The following THADA variants were observed in gnomAD, a reference collection of about 807,000 sequenced individuals.
THADA encodes THADA armadillo repeat containing, also known as tRNA (32-2'-O)-methyltransferase regulator THADA.
A neutral mutation model predicts 219.8 loss-of-function variants in THADA; 213 were observed. The observed-to-expected ratio is 0.97, with a 90% CI of 0.87 to 1.09. The LOEUF (loss-of-function observed/expected upper bound fraction) is 1.09. THADA is among the 50% of genes least tolerant of loss of function. The pLI, the probability that THADA is intolerant of heterozygous loss-of-function variation, is 0.00. For missense variants in THADA, 2,956 were observed against 2,311.3 expected (o/e 1.28, Z -5.72); for synonymous variants, 1,018 against 828.9 (o/e 1.23, Z -3.92).
At chr2:43,572,101 G>A (rs951996209) in intron 12 of THADA, among the ~76,000 whole-genome samples, 11 of 152,026 alleles carry the variant, frequency 7.2e-5, no homozygotes, top group African/African-American at 1.2e-4. Context: ...TTTTTATTCC[G>A]TGGTAATGCT....
At chr2:43,255,671 A>G (rs1047407960) in intron 36 of THADA, among the ~76,000 whole-genome samples, 3 of 152,124 alleles carry the variant, frequency 2.0e-5, no homozygotes, top group African/African-American at 7.2e-5. Context: ...GAGTCGGGGA[A>G]TGCTGTGGCC....
intron 26 of THADA, among the ~76,000 whole-genome samples, chr2:43,458,524 C>A (rs1683275408): frequency 1.3e-5 from 2 of 152,166 alleles, no homozygotes; most frequent in South Asian, 4.1e-4. Context: ...AAGAGATCTG[C>A]AAGTACTTTG....
rs573096964 is a variant in THADA, at chr2:43,503,255, A to G, written c.3621+2367T>C. Among the ~76,000 whole-genome samples, 4 of 152,346 alleles carry G rather than the reference A, an allele frequency of 2.6e-5. No homozygotes were observed. In the South Asian group the frequency reaches 8.3e-4, roughly 32 times the overall value. Reference sequence around the variant, plus strand: ...ACTCACGTGTGTAAGGAGACACACAAGAATGTTTGTTTCAGCATTGTTTGT... The same window carrying G: ...ACTCACGTGTGTAAGGAGACACACAGGAATGTTTGTTTCAGCATTGTTTGT... On this transcript the variant is annotated intron_variant, in intron 24 of 37. Coordinates refer to ENST00000405975, the MANE Select transcript of THADA (RefSeq NM_022065.5).
intron 20 of THADA, among the ~76,000 whole-genome samples, chr2:43,548,821 C>T (rs971812916): frequency 6.6e-6 from 1 of 152,268 alleles, no homozygotes; most frequent in African/African-American, 2.4e-5. Context: ...TTGCGCTTCC[C>T]AAGTGAGGCA....
At chr2:43,536,106 C>G (rs1158832652) in intron 21 of THADA, among the ~76,000 whole-genome samples, 3 of 152,098 alleles carry the variant, frequency 2.0e-5, no homozygotes, top group Non-Finnish European at 4.4e-5. Context: ...CCAGCCTATT[C>G]ATTTTGAGTT....
chr2:43,318,479 AACTCAT>A (rs1678325347), intron 31 of THADA, among the ~76,000 whole-genome samples: 1 of 152,240 alleles, frequency 6.6e-6, no homozygotes, highest in African/African-American at 2.4e-5. Flanking sequence ...TTTTATTTTT[AACTCAT>A]ACTAAGTCTT....
intron 21 of THADA, among the ~76,000 whole-genome samples, chr2:43,535,715 C>G (rs936654097): frequency 1.3e-5 from 2 of 149,222 alleles, no homozygotes; most frequent in African/African-American, 5.0e-5. Context: ...AAATCTTTTC[C>G]CAGATCAATG....
intron 37 of THADA, 144 bp downstream of exon 37, chr2:43,232,569 G>A (rs779662057): frequency 1.3e-5 from 11 of 862,750 alleles, no homozygotes; most frequent in Non-Finnish European, 2.0e-5. Context: ...CCGTGTCCTC[G>A]GCAGCACCCA....
chr2:43,428,233 T>C lies in THADA; in HGVS notation c.3927-2A>G. Reference sequence around the variant, plus strand: ...TGACGATTTGGTTCTCCCATATCACTGAAACAACAATTATTACACATGAAA... The same window carrying C: ...TGACGATTTGGTTCTCCCATATCACCGAAACAACAATTATTACACATGAAA... On this transcript the variant is annotated splice_acceptor_variant, in intron 27 of 37. Transcript: ENST00000405975. LOFTEE classifies it high-confidence loss of function. The C allele has an allele frequency of 6.3e-7, 1 of 1,591,206 alleles. No individual in the cohort carries two copies.
intron 26 of THADA, among the ~76,000 whole-genome samples, chr2:43,474,193 G>C (rs1224115988): frequency 1.3e-5 from 2 of 152,290 alleles, no homozygotes; most frequent in Admixed American, 6.5e-5. Context: ...GCAAAAGAAG[G>C]AAGAAAGATA....
At chr2:43,378,008 C>T (rs1004898307) in intron 29 of THADA, among the ~76,000 whole-genome samples, 9 of 152,110 alleles carry the variant, frequency 5.9e-5, no homozygotes, top group African/African-American at 2.2e-4. Flanking sequence ...AGTATTTTCA[C>T]ATGATTAGAC....
At chr2:43,319,070 G>T (rs1008389110) in intron 31 of THADA, among the ~76,000 whole-genome samples, 1 of 152,116 alleles carries the variant, frequency 6.6e-6, no homozygotes, top group African/African-American at 2.4e-5. Flanking sequence ...ACATAGGCAG[G>T]GAAGTATTAC....
At chr2:43,400,559 T>C (rs1674715935) in intron 28 of THADA, among the ~76,000 whole-genome samples, 1 of 150,466 alleles carries the variant, frequency 6.6e-6, no homozygotes, top group Admixed American at 6.6e-5. Context: ...ATGAGAACAT[T>C]TAGAATCTAA....
intron 29 of THADA, among the ~76,000 whole-genome samples, chr2:43,383,091 T>C (rs990529657): frequency 1.3e-5 from 2 of 152,188 alleles, no homozygotes; most frequent in African/African-American, 4.8e-5. Flanking sequence ...GCACCATGTA[T>C]GAACACTTAT....
chr2:43,437,078 G>C (rs1475614860), intron 26 of THADA, among the ~76,000 whole-genome samples: 1 of 152,106 alleles, frequency 6.6e-6, no homozygotes, highest in East Asian at 1.9e-4. Flanking sequence ...CCCTGTGGTT[G>C]GTTACTCCTG....
intron 30 of THADA, among the ~76,000 whole-genome samples, chr2:43,322,695 T>TTC (rs1678876405): frequency 8.6e-6 from 1 of 115,622 alleles, no homozygotes; most frequent in African/African-American, 3.3e-5. Context: ...TTTTTTTTTT[T>TTC]TTTTTTTTGA....
intron 31 of THADA, among the ~76,000 whole-genome samples, chr2:43,315,483 G>A (rs1677971715): frequency 6.6e-6 from 1 of 150,604 alleles, no homozygotes; most frequent in Admixed American, 6.6e-5. Context: ...TTTTTTTAGA[G>A]ACAGGATCTT....
chr2:43,238,998 G>A (rs145234402), intron 36 of THADA, among the ~76,000 whole-genome samples: 61 of 152,292 alleles, frequency 4.0e-4, no homozygotes, highest in African/African-American at 1.4e-3. Flanking sequence ...ATATGCCCTA[G>A]AATCTTCCTG....
intron 36 of THADA, among the ~76,000 whole-genome samples, chr2:43,238,118 C>CAAAAAAAAAAAAAAAAAAAAAAAA (rs59802310): frequency 3.5e-5 from 1 of 28,266 alleles, no homozygotes; most frequent in Non-Finnish European, 6.2e-5. Context: ...GATTCCATCT[C>CAAAAAAAAAAAAAAAAAAAAAAAA]AAAAAAAAAA....
Sources: gnomAD v4.1 joint callset for allele counts (sites outside exome capture counted in the v4.1 genomes callset) on GRCh38, gnomAD v4.1.1 for gene constraint, MANE v1.5 for transcripts, NCBI Gene and HGNC (gene_info 2026-07-23, HGNC 2026-07-21) for gene names.